The following RGS12 variants were observed in gnomAD, a reference collection of about 807,000 sequenced individuals.
RGS12 encodes the protein regulator of G-protein signaling 12.
In RGS12, 66 loss-of-function variants were observed where a neutral mutation model predicts 120.1. The observed-to-expected ratio is 0.55, with a 90% confidence interval of 0.45 to 0.67. The LOEUF is 0.67. Among genes scored for constraint, RGS12 ranks in the 30% least tolerant of loss-of-function variants. The pLI is 0.00. For missense variants in RGS12, 1,859 were observed against 1,957.7 expected (o/e 0.95, Z 0.95); for synonymous variants, 827 against 804.7 (o/e 1.03, Z -0.47).
At chr4:3,391,373 T>C (rs1230579087) in intron 4 of RGS12, among the ~76,000 whole-genome samples, 1 of 152,266 alleles carries the variant, frequency 6.6e-6, no homozygotes, top group East Asian at 1.9e-4. Flanking sequence ...TAGTTTTTAA[T>C]ATTGTGAAAT....
At position 3,415,712 on chromosome 4, in the gene RGS12, G is replaced by A. The variant is rs148266495; in HGVS notation, c.2284-266G>A. Reference sequence around the variant, plus strand: ...CAAGACCAGGTGTGTGGCGACACACGGCAGTATTGCCCCTGCGCAGCTGCT... The same window carrying A: ...CAAGACCAGGTGTGTGGCGACACACAGCAGTATTGCCCCTGCGCAGCTGCT... On this transcript the variant is annotated intron_variant, in intron 6 of 17. Coordinates refer to ENST00000336727, the MANE Select transcript of RGS12 (RefSeq NM_001394154.1). Among the ~76,000 whole-genome samples, 1,218 of 152,362 alleles carry A rather than the reference G, an allele frequency of 8.0e-3. 15 individuals are homozygous for A. The highest frequency in any genetic ancestry group is 0.013 in the Non-Finnish European group (863 of 68,028).
At chr4:3,335,522 CA>C (rs992184506) in intron 2 of RGS12, among the ~76,000 whole-genome samples, 4 of 152,172 alleles carry the variant, frequency 2.6e-5, no homozygotes, top group African/African-American at 9.7e-5. Flanking sequence ...GCTCTGTCCC[CA>C]GGGGCGCTCC....
chr4:3,358,318 C>A lies in RGS12; in HGVS notation c.1998+15265C>A, dbSNP rs138295232. Reference sequence around the variant, plus strand: ...ACTTGTTTGTTTCCAGTTTGGGGGCCTTTCATTTCTTTTTTTGCCTAATTG... The same window carrying A: ...ACTTGTTTGTTTCCAGTTTGGGGGCATTTCATTTCTTTTTTTGCCTAATTG... On this transcript the variant is annotated intron_variant, in intron 3 of 17. Coordinates refer to ENST00000336727, the MANE Select transcript of RGS12 (RefSeq NM_001394154.1). Among the ~76,000 whole-genome samples, 302 of 152,184 alleles carry A rather than the reference C, an allele frequency of 2.0e-3. 1 individual carries two copies. The highest frequency in any genetic ancestry group is 7.0e-3 in the African/African-American group (290 of 41,536).
chr4:3,411,652 G>C (rs908211551), intron 4 of RGS12, among the ~76,000 whole-genome samples: 2 of 152,272 alleles, frequency 1.3e-5, no homozygotes, highest in Non-Finnish European at 2.9e-5. Context: ...TATTAGGCAA[G>C]CACAAAGAGT....
chr4:3,337,648 C>T (rs533176266), intron 2 of RGS12, among the ~76,000 whole-genome samples: 4 of 152,008 alleles, frequency 2.6e-5, no homozygotes, highest in East Asian at 1.9e-4. Context: ...ATTCCTAGAG[C>T]AGTCAAATTC....
At chr4:3,303,247 G>A (rs1294743784) in intron 1 of RGS12, among the ~76,000 whole-genome samples, 1 of 152,266 alleles carries the variant, frequency 6.6e-6, no homozygotes, top group African/African-American at 2.4e-5. Flanking sequence ...TGAGGGCAGG[G>A]TGGGCCGGCA....
rs1724190714 is a variant in RGS12, at chr4:3,430,717, G to A, written c.3876G>A (p.Gln1292=). The A allele has an allele frequency of 6.3e-7, 1 of 1,589,558 alleles. No homozygotes were observed. The highest frequency in any genetic ancestry group is 8.6e-7 in the Non-Finnish European group (1 of 1,167,518). The change falls in exon 17 of 18, where the codon CAG becomes CAA. Residue 1292 remains glutamine, a synonymous_variant. Coordinates refer to ENST00000336727, the MANE Select transcript of RGS12 (RefSeq NM_001394154.1). ...PGPPGTTPPG[Q]KSPSGPFCTP... ...CTCCTGGGACGACCCCCCCCGGGCAGAAGTCTCCCAGCGGGCCCTTCTGCA... is the reference window on the plus strand; with the variant it reads ...CTCCTGGGACGACCCCCCCCGGGCAAAAGTCTCCCAGCGGGCCCTTCTGCA...
rs55666879 is a variant in RGS12 at position 3,376,247 on chromosome 4, AACACACACACACAC to A, written c.1999-10136_1999-10123del. On this transcript the variant is annotated intron_variant, in intron 3 of 17. Coordinates refer to ENST00000336727, the MANE Select transcript of RGS12 (RefSeq NM_001394154.1). ...TATTCAAGGTTGAAAAGCTCCTTGG[AACACACACACACAC>A]ACACACACACACACACACACACACA... Among the ~76,000 whole-genome samples, 1,085 of 143,566 alleles carry A rather than the reference AACACACACACACAC, an allele frequency of 7.6e-3. 7 individuals are homozygous for A. Among genetic ancestry groups the A allele is most frequent in the South Asian group, 0.013 (55 of 4,370 alleles). 94.2% of individuals were successfully genotyped at this position (143,566 alleles called of 152,430 possible). A position where few individuals can be genotyped will look rare whatever the true frequency, so the allele number is the denominator to read the frequency against.
chr4:3,394,344 G>A (rs539470047), intron 4 of RGS12, among the ~76,000 whole-genome samples: 1 of 152,230 alleles, frequency 6.6e-6, no homozygotes, highest in East Asian at 1.9e-4. Flanking sequence ...TGTATTTTTA[G>A]TAGAGATGGT....
intron 9 of RGS12, among the ~76,000 whole-genome samples, chr4:3,419,860 G>T (rs1437890493): frequency 6.6e-6 from 1 of 152,136 alleles, no homozygotes; most frequent in African/African-American, 2.4e-5. Flanking sequence ...AACCCAGACT[G>T]CAGGCACCCC....
rs535371946 is a variant in RGS12 at position 3,431,193 on chromosome 4, T to C, written c.4114+238T>C. ...GGCGCTCTGGGCAGGCATCCTGGTG[T>C]CCTGAGAGGCTCTTGCAGGAATGAT... On this transcript the variant is annotated intron_variant, in intron 17 of 17. Transcript: ENST00000336727. The C allele has an allele frequency of 3.1e-5, 43 of 1,388,418 alleles. No homozygotes were observed. In the African/African-American group the frequency reaches 5.5e-4, roughly 18 times the overall value. 86.0% of individuals were successfully genotyped at this position (1,388,418 alleles called of 1,614,324 possible).
At chr4:3,411,951 C>A (rs1363971574) in intron 4 of RGS12, among the ~76,000 whole-genome samples, 3 of 152,240 alleles carry the variant, frequency 2.0e-5, no homozygotes, top group Non-Finnish European at 1.5e-5. Context: ...CGTGTGAGCC[C>A]CAGCCGCAGG....
upstream of RGS12, among the ~76,000 whole-genome samples, chr4:3,290,922 G>A (rs138394270): frequency 9.8e-3 from 1,493 of 152,346 alleles, 32 homozygotes; most frequent in African/African-American, 0.03. Flanking sequence ...CCTTCTCTCC[G>A]TCTCAGGCAA....
intron 17 of RGS12, 38 bp downstream of exon 17, chr4:3,430,993 A>G (rs1477699822): frequency 6.2e-7 from 1 of 1,602,774 alleles, no homozygotes; most frequent in Non-Finnish European, 8.5e-7. Context: ...TTGGCCCCGT[A>G]AGCGTGGTCT....
At chr4:3,292,740 T>C (rs1042984046), upstream of RGS12, among the ~76,000 whole-genome samples, 19 of 152,098 alleles carry the variant, frequency 1.2e-4, no homozygotes, top group Non-Finnish European at 2.8e-4. Context: ...CCAGTGCGGG[T>C]ACACACCGTG....
chr4:3,379,115 A>T (rs931733487), intron 3 of RGS12, among the ~76,000 whole-genome samples: 4 of 152,036 alleles, frequency 2.6e-5, no homozygotes, highest in Non-Finnish European at 4.4e-5. Context: ...AACATGGATG[A>T]AGCCAAACAT....
intron 2 of RGS12, among the ~76,000 whole-genome samples, chr4:3,336,537 C>T (rs1712485948): frequency 6.6e-6 from 1 of 152,212 alleles, no homozygotes; most frequent in Non-Finnish European, 1.5e-5. Flanking sequence ...TCTATTTGTT[C>T]AGTAAGTATT....
chr4:3,414,766 A>G lies in RGS12; in HGVS notation c.2205A>G (p.Lys735=). Residue 735 remains lysine, a synonymous_variant, in exon 6 of 18, where the codon AAA becomes AAG. Transcript: ENST00000336727. ...GVRYFSDFLR[K]EFSEENILFW... Reference sequence around the variant, plus strand: ...GTCTTTCTTAGGATTTTCTAAGGAAAGAATTCAGTGAAGAAAACATTTTAT... The same window carrying G: ...GTCTTTCTTAGGATTTTCTAAGGAAGGAATTCAGTGAAGAAAACATTTTAT... The G allele has an allele frequency of 6.2e-7, 1 of 1,610,412 alleles. No homozygotes were observed. Among genetic ancestry groups the G allele is most frequent in the Non-Finnish European group, 8.5e-7 (1 of 1,176,606 alleles).
Position 3,317,262 on chromosome 4 carries a change from G to A in RGS12, c.1092G>A (p.Thr364=), listed in dbSNP as rs200340231. The change falls in exon 2 of 18, where the codon ACG becomes ACA. Residue 364 remains threonine (T), a synonymous_variant. Coordinates refer to ENST00000336727, the MANE Select transcript of RGS12 (RefSeq NM_001394154.1). ...CTCGGCGGTTTGGGTTTGAGTGCAC[G>A]GCCGACCCAGACACCAATGGCTGTC... ...GIARRFGFEC[T]ADPDTNGCLE... 29 of 1,614,122 alleles carry A rather than the reference G, an allele frequency of 1.8e-5. No homozygotes were observed. The highest frequency in any genetic ancestry group is 1.7e-5 in the Non-Finnish European group (20 of 1,180,040).
Sources: allele counts gnomAD v4.1 joint callset (sites outside exome capture counted in the v4.1 genomes callset), GRCh38; gene constraint gnomAD v4.1.1; transcripts MANE v1.5; gene names NCBI Gene and HGNC (gene_info 2026-07-23, HGNC 2026-07-21).